Variants in GFM1 observed in about 807,000 individuals in gnomAD.
GFM1 encodes the protein G elongation factor mitochondrial 1.
Under a neutral mutation model 96.2 loss-of-function variants are expected in GFM1, and 62 were observed. The ratio of observed to expected loss-of-function variants is 0.64; its 90% CI spans 0.53 to 0.80. The LOEUF (loss-of-function observed/expected upper bound fraction) is 0.80. Ranked by LOEUF, GFM1 falls within the 30% of genes least tolerant of loss-of-function variation. The probability of loss-of-function intolerance (pLI) is 0.00; values close to 1 mark genes in which losing one functional copy is unlikely to be tolerated. For synonymous variants in GFM1, 282 were observed against 312.9 expected (o/e 0.90, Z 1.04); for missense variants, 852 against 916.6 (o/e 0.93, Z 0.91).
At chr3:158,645,479 A>G (rs1721696347) in intron 1 of GFM1, 150 bp from the exon 2 acceptor site, 2 of 697,982 alleles carry the variant, frequency 2.9e-6, no homozygotes, top group Non-Finnish European at 5.2e-6. Flanking sequence ...CAAGAGTTCC[A>G]GGCTTAAAGG....
chr3:158,660,874 G>A lies in GFM1; in HGVS notation c.1222G>A (p.Asp408Asn). The A allele has an allele frequency of 6.2e-7, 1 of 1,611,878 alleles. No homozygotes were observed. Among genetic ancestry groups the A allele is most frequent in the Non-Finnish European group, 8.5e-7 (1 of 1,178,178 alleles). Residue 408 changes from aspartate to asparagine, a missense_variant and splice_region_variant, in exon 10 of 18, where the codon GAT (aspartate) becomes AAT (asparagine). Transcript: ENST00000486715. ...LARMHADMME[D>N]VEEVYAGDIC... Reference sequence around the variant, plus strand: ...AATTTTGTGTTATTTGTTTTTTTAGGATGTTGAGGAAGTATATGCCGGAGA... The same window carrying A: ...AATTTTGTGTTATTTGTTTTTTTAGAATGTTGAGGAAGTATATGCCGGAGA...
chr3:158,686,207 C>G (rs1290967404), intron 15 of GFM1, among the ~76,000 whole-genome samples: 1 of 145,936 alleles, frequency 6.9e-6, no homozygotes, highest in Non-Finnish European at 1.5e-5. Context: ...GTATAAAATA[C>G]ATATATAAAG....
rs182932534 is a variant in GFM1 at position 158,695,191 on chromosome 3, C to T, written c.*3724C>T. Among the ~76,000 whole-genome samples the T allele has an allele frequency of 2.6e-5, 4 of 151,704 alleles. No individual in the cohort carries two copies. Among genetic ancestry groups the T allele is most frequent in the East Asian group, 3.9e-4 (2 of 5,122 alleles). ...GAGTTCGAGACCACCCTGGCCAACA[C>T]GGTGAAACCCCGTCTCTACTATAAA... On this transcript the variant is annotated 3_prime_UTR_variant, in exon 18 of 18. Coordinates refer to ENST00000486715, the MANE Select transcript of GFM1 (RefSeq NM_024996.7).
In GFM1 at chr3:158,665,328, C is replaced by G. The variant is rs138452652; in HGVS notation, c.1381-9C>G. On this transcript the variant is annotated splice_polypyrimidine_tract_variant and intron_variant, in intron 11 of 17. Coordinates refer to ENST00000486715, the MANE Select transcript of GFM1 (RefSeq NM_024996.7). Reference sequence around the variant, plus strand: ...TAAAACATATAGTGACTTTCTTCTTCTTTTAAAGAACGATCTGGAAAAATT... The same window carrying G: ...TAAAACATATAGTGACTTTCTTCTTGTTTTAAAGAACGATCTGGAAAAATT... 22 of 1,602,656 alleles carry G rather than the reference C, an allele frequency of 1.4e-5. No homozygotes were observed. The highest frequency in any genetic ancestry group is 1.7e-5 in the Admixed American group (1 of 59,930).
intron 5 of GFM1, among the ~76,000 whole-genome samples, chr3:158,651,466 A>G (rs1404639844): frequency 6.6e-6 from 1 of 151,806 alleles, no homozygotes; most frequent in African/African-American, 2.4e-5. Flanking sequence ...CCTGATCTGA[A>G]AATGCAGATA....
chr3:158,648,235 T>C (rs1721990969), intron 4 of GFM1, among the ~76,000 whole-genome samples: 1 of 152,232 alleles, frequency 6.6e-6, no homozygotes, highest in Non-Finnish European at 1.5e-5. Context: ...CATTTCTCTT[T>C]CAAGCTTTTG....
intron 13 of GFM1, among the ~76,000 whole-genome samples, chr3:158,680,856 T>G (rs1489548719): frequency 6.6e-6 from 1 of 152,172 alleles, no homozygotes; most frequent in Non-Finnish European, 1.5e-5. Flanking sequence ...TGCGATTTGG[T>G]CCTTTAGAGC....
At chr3:158,645,302 A>G (rs1039564072) in intron 1 of GFM1, among the ~76,000 whole-genome samples, 1 of 152,210 alleles carries the variant, frequency 6.6e-6, no homozygotes, top group Non-Finnish European at 1.5e-5. Context: ...TGTATTTTCT[A>G]TTAAAGTATT....
rs62288301 is a variant in GFM1 at position 158,660,495 on chromosome 3, G to T, written c.1222-379G>T. On this transcript the variant is annotated intron_variant, in intron 9 of 17. Coordinates refer to ENST00000486715, the MANE Select transcript of GFM1 (RefSeq NM_024996.7). ...ACTCCTGACCTCAGGTGATCCACTC[G>T]CCTCGGCCTCCCAAAGTGCTGTGAT... is the stretch of plus-strand genomic sequence containing the variant. The T allele has an allele frequency of 2.5e-5, 6 of 240,778 alleles. No homozygotes were observed. The East Asian group carries it at 6.9e-4, about 28-fold the overall frequency. The allele number at this position is 240,778 out of a possible 1,614,324, so 14.9% of individuals were successfully genotyped here.
At chr3:158,652,295 T>G in intron 6 of GFM1, 49 bp downstream of exon 6, 1 of 1,551,394 alleles carries the variant, frequency 6.4e-7, no homozygotes, top group Non-Finnish European at 8.9e-7. Flanking sequence ...AAGAAGTCGT[T>G]TGTTTTTTGT....
intron 5 of GFM1, 91 bp from the exon 6 acceptor site, chr3:158,652,005 A>G: frequency 8.7e-7 from 1 of 1,143,240 alleles, no homozygotes; most frequent in Non-Finnish European, 1.3e-6. Context: ...TTACCTAAAA[A>G]AATATTTTAA....
At chr3:158,647,704 C>CT (rs1217786118) in intron 4 of GFM1, among the ~76,000 whole-genome samples, 1 of 151,970 alleles carries the variant, frequency 6.6e-6, no homozygotes, top group Non-Finnish European at 1.5e-5. Flanking sequence ...GTGTTTATAA[C>CT]TTTTTTTTGG....
In GFM1 at chr3:158,645,763, A is replaced by G. The variant is rs753396614; in HGVS notation, c.216A>G (p.Arg72=). ...AACGAGTCCTTTACTACACTGGCAG[A>G]ATTGCAAAGATGCATGAGGTATATA... ...LTERVLYYTG[R]IAKMHEVKGK... Residue 72 remains arginine (R), a synonymous_variant, in exon 2 of 18, where the codon AGA becomes AGG. Coordinates refer to ENST00000486715, the MANE Select transcript of GFM1 (RefSeq NM_024996.7). The G allele has an allele frequency of 8.1e-6, 13 of 1,612,862 alleles. No homozygotes were observed. Among genetic ancestry groups the G allele is most frequent in the Non-Finnish European group, 7.6e-6 (9 of 1,178,950 alleles).
intron 17 of GFM1, 64 bp from the exon 18 acceptor site, chr3:158,691,272 T>C: frequency 6.2e-7 from 1 of 1,609,326 alleles, no homozygotes; most frequent in Non-Finnish European, 8.5e-7. Flanking sequence ...TGTATGACTT[T>C]TACTTGATAG....
intron 15 of GFM1, among the ~76,000 whole-genome samples, chr3:158,686,397 T>TAA (rs144411487): frequency 2.0e-5 from 3 of 147,430 alleles, no homozygotes; most frequent in African/African-American, 7.4e-5. Flanking sequence ...ATTTTATATA[T>TAA]AAAAAAATAA....
chr3:158,669,101 C>T (rs369348668), intron 13 of GFM1: 68 of 1,613,482 alleles, frequency 4.2e-5, no homozygotes, highest in East Asian at 6.7e-5. Flanking sequence ...GTAGAACGAG[C>T]GTCATTTCTG....
At chr3:158,647,695 T>G (rs1186087895) in intron 4 of GFM1, among the ~76,000 whole-genome samples, 1 of 152,228 alleles carries the variant, frequency 6.6e-6, no homozygotes, top group Non-Finnish European at 1.5e-5. Flanking sequence ...CTTAGTTGGG[T>G]GTTTATAACT....
chr3:158,665,312 T>C, intron 11 of GFM1, 25 bp from the exon 12 acceptor site: 2 of 1,582,174 alleles, frequency 1.3e-6, no homozygotes, highest in African/African-American at 1.3e-5. Flanking sequence ...GTAAAACATA[T>C]AGTGACTTTC....
chr3:158,682,149 G>A lies in GFM1; in HGVS notation c.1756G>A (p.Val586Ile), dbSNP rs1725441980. The A allele has an allele frequency of 6.2e-7, 1 of 1,612,930 alleles. No homozygotes were observed. Among genetic ancestry groups the A allele is most frequent in the Non-Finnish European group, 8.5e-7 (1 of 1,179,342 alleles). ...TATTCCAAAGCAGTTTGTGCCTGCT[G>A]TAGAAAAGGTAAATTTTTAAAAAAG... Reference protein sequence around the residue: ...SNIPKQFVPAVEKGFLDACEK... With the variant: ...SNIPKQFVPAIEKGFLDACEK... The change falls in exon 14 of 18, where the codon GTA (valine) becomes ATA (isoleucine). Residue 586 changes from valine to isoleucine, a missense_variant. Coordinates refer to ENST00000486715, the MANE Select transcript of GFM1 (RefSeq NM_024996.7).
Sources: allele counts gnomAD v4.1 joint callset (sites outside exome capture counted in the v4.1 genomes callset), GRCh38; gene constraint gnomAD v4.1.1; transcripts MANE v1.5; gene names NCBI Gene and HGNC (gene_info 2026-07-23, HGNC 2026-07-21).